RAB20: variants seen among roughly 807,000 people sequenced by gnomAD.
The protein encoded by RAB20 is ras-related protein Rab-20.
RAB20 carries 2 observed loss-of-function variants against 3.7 expected under a neutral mutation model. The ratio of observed to expected loss-of-function variants is 0.54; its 90% CI spans 0.22 to 1.69. The LOEUF (loss-of-function observed/expected upper bound fraction) is 1.69. RAB20 is among the 40% of genes most tolerant of loss of function. The pLI is 0.19. For missense variants in RAB20, 276 were observed against 311.9 expected (o/e 0.88, Z 0.87); for synonymous variants, 126 against 130.8 (o/e 0.96, Z 0.25).
intron 1 of RAB20, among the ~76,000 whole-genome samples, chr13:110,527,464 G>T (rs1358932660): frequency 2.6e-5 from 4 of 152,082 alleles, no homozygotes; most frequent in Non-Finnish European, 4.4e-5. Flanking sequence ...GGAGTCAGAA[G>T]AATGTGCCCT....
intron 1 of RAB20, among the ~76,000 whole-genome samples, chr13:110,532,355 A>AAATG (rs1884555916): frequency 2.0e-5 from 3 of 152,202 alleles, no homozygotes; most frequent in Non-Finnish European, 4.4e-5. Flanking sequence ...AAACACTGAG[A>AAATG]CAACAGGAAC....
At chr13:110,526,388 C>A (rs1306704412) in intron 1 of RAB20, among the ~76,000 whole-genome samples, 3 of 152,210 alleles carry the variant, frequency 2.0e-5, no homozygotes, top group Non-Finnish European at 4.4e-5. Flanking sequence ...GGATTTTAAT[C>A]TCCCAAGTTT....
At chr13:110,526,273 G>A (rs1460220633) in intron 1 of RAB20, among the ~76,000 whole-genome samples, 2 of 152,224 alleles carry the variant, frequency 1.3e-5, no homozygotes, top group Non-Finnish European at 2.9e-5. Flanking sequence ...CTGGGGCACT[G>A]GCGCAGAGAG....
chr13:110,523,538 A>G lies in RAB20; in HGVS notation c.*127T>C. The stretch of plus-strand genomic sequence containing the variant: ...CATAGCCAGCCATCATTTCCACTCC[A>G]ACATTCTGCTGCGGGTGTCATTCTG... On this transcript the variant is annotated 3_prime_UTR_variant, in exon 2 of 2. Coordinates refer to ENST00000267328, the MANE Select transcript of RAB20 (RefSeq NM_017817.3). 1 of 1,459,624 alleles carries G rather than the reference A, an allele frequency of 6.9e-7. No homozygotes were observed. The highest frequency in any genetic ancestry group is 2.6e-5 in the Admixed American group (1 of 38,642). The allele number at this position is 1,459,624 out of a possible 1,614,324, so 90.4% of individuals were successfully genotyped here. A position where few individuals can be genotyped will look rare whatever the true frequency, so the allele number is the denominator to read the frequency against.
Position 110,524,173 on chromosome 13 carries a change from C to T in RAB20, c.197G>A (p.Gly66Asp), listed in dbSNP as rs1380641094. The change falls in exon 2 of 2, where the codon GGC becomes GAC. Residue 66 changes from glycine (G) to aspartate (D), a missense_variant. By Grantham distance (94) the Gly-to-Asp change is moderately conservative. Coordinates refer to ENST00000267328, the MANE Select transcript of RAB20 (RefSeq NM_017817.3). ...GGCCGCCCCCCGGCAGTACATGGAG[C>T]CCAGGCCGTGGAACTGCTCCCGCCC... ...TAGREQFHGL[G>D]SMYCRGAAAI... is the part of the protein sequence containing the mutation. 1.9e-6 allele frequency: 3 copies of T among 1,597,944 alleles called. No individual in the cohort carries two copies. The highest frequency in any genetic ancestry group is 2.5e-6 in the Non-Finnish European group (3 of 1,176,724).
intron 1 of RAB20, among the ~76,000 whole-genome samples, chr13:110,560,257 G>A (rs551600801): frequency 1.3e-5 from 2 of 152,266 alleles, no homozygotes; most frequent in East Asian, 3.9e-4. Flanking sequence ...TTCACAAGAT[G>A]ATTGCCAATA....
chr13:110,525,370 G>A (rs755769179), intron 1 of RAB20, among the ~76,000 whole-genome samples: 6 of 152,140 alleles, frequency 3.9e-5, no homozygotes, highest in South Asian at 2.1e-4. Context: ...AAATCAACCC[G>A]GGTCAGAATA....
intron 1 of RAB20, among the ~76,000 whole-genome samples, chr13:110,526,800 C>T (rs2139573324): frequency 6.6e-6 from 1 of 152,372 alleles, no homozygotes; most frequent in Middle Eastern, 3.4e-3. Flanking sequence ...CACGACCCTT[C>T]AGACCTGCCA....
intron 1 of RAB20, among the ~76,000 whole-genome samples, chr13:110,534,834 T>C (rs11616542): frequency 0.4 from 60,443 of 151,966 alleles, 12,343 homozygotes; most frequent in African/African-American, 0.49. Context: ...TATCCAGCAA[T>C]ATTTTTTTGT....
Position 110,550,544 on chromosome 13 carries a change from C to G in RAB20, c.172+10804G>C, listed in dbSNP as rs577732888. ...GTGGCAGAATTAAACTGGAGGACAC[C>G]CAGCTGGTATCCACTGCTCGCTGTG... On this transcript the variant is annotated intron_variant, in intron 1 of 1. Transcript: ENST00000267328. Among the ~76,000 whole-genome samples the G allele has an allele frequency of 1.8e-4, 28 of 152,200 alleles. No homozygotes were observed. The South Asian group carries it at 5.6e-3, about 30-fold the overall frequency.
intron 1 of RAB20, among the ~76,000 whole-genome samples, chr13:110,536,083 G>A (rs553810212): frequency 6.6e-6 from 1 of 152,248 alleles, no homozygotes; most frequent in African/African-American, 2.4e-5. Context: ...GGAGACACAG[G>A]GGCAAAGACG....
chr13:110,548,084 C>G (rs541416516), intron 1 of RAB20, among the ~76,000 whole-genome samples: 1 of 152,316 alleles, frequency 6.6e-6, no homozygotes, highest in East Asian at 1.9e-4. Context: ...AATAGGAAAC[C>G]TGGTCAACAG....
At chr13:110,557,051 G>A (rs1319786473) in intron 1 of RAB20, among the ~76,000 whole-genome samples, 1 of 152,168 alleles carries the variant, frequency 6.6e-6, no homozygotes, top group Non-Finnish European at 1.5e-5. Context: ...CTGCTGGTGA[G>A]GAATCAGAAG....
At chr13:110,557,097 C>T (rs1885051902) in intron 1 of RAB20, among the ~76,000 whole-genome samples, 1 of 152,106 alleles carries the variant, frequency 6.6e-6, no homozygotes, top group South Asian at 2.1e-4. Context: ...CCTGCATCCT[C>T]GTAGTGAACA....
At chr13:110,547,171 G>T (rs566253922) in intron 1 of RAB20, among the ~76,000 whole-genome samples, 1 of 152,312 alleles carries the variant, frequency 6.6e-6, no homozygotes, top group African/African-American at 2.4e-5. Context: ...GGTCTACACG[G>T]CGCCTCCTCT....
At chr13:110,525,257 C>T (rs11618569) in intron 1 of RAB20, among the ~76,000 whole-genome samples, 12,633 of 152,278 alleles carry the variant, frequency 0.083, 643 homozygotes, top group East Asian at 0.15. Context: ...GGAACACCCG[C>T]CACCGTCCTA....
chr13:110,539,400 GC>G (rs758771150), intron 1 of RAB20, among the ~76,000 whole-genome samples: 2 of 152,008 alleles, frequency 1.3e-5, no homozygotes, highest in Non-Finnish European at 2.9e-5. Context: ...GCGAAATGAA[GC>G]TTTTTTCCTT....
intron 1 of RAB20, among the ~76,000 whole-genome samples, chr13:110,542,165 G>A (rs1461771637): frequency 6.6e-6 from 1 of 152,136 alleles, no homozygotes; most frequent in Non-Finnish European, 1.5e-5. Context: ...CAGAACGCTT[G>A]CTGTATTTTA....
intron 1 of RAB20, among the ~76,000 whole-genome samples, chr13:110,528,244 C>T (rs766339787): frequency 2.0e-5 from 3 of 151,256 alleles, no homozygotes; most frequent in Non-Finnish European, 2.9e-5. Context: ...CAGAGAAAAC[C>T]CATCTCTACT....
Sources: allele counts gnomAD v4.1 joint callset (sites outside exome capture counted in the v4.1 genomes callset), GRCh38; gene constraint gnomAD v4.1.1; transcripts MANE v1.5; gene names NCBI Gene and HGNC (gene_info 2026-07-23, HGNC 2026-07-21).